MYH11: variants seen among roughly 807,000 people sequenced by gnomAD.
MYH11 encodes myosin heavy chain 11.
In MYH11, 80 loss-of-function variants were observed where a neutral mutation model predicts 246.6. The observed-to-expected ratio is 0.32, with a 90% CI of 0.27 to 0.39. The LOEUF is 0.39. MYH11 is among the 10% of genes least tolerant of loss of function. The pLI is 1.00. For synonymous variants in MYH11, 1,071 were observed against 1,015.5 expected (o/e 1.05, Z -1.04); for missense variants, 2,158 against 2,546.8 (o/e 0.85, Z 3.29).
At chr16:15,763,759 C>CCCCCCAAA (rs1410055978) in intron 10 of MYH11, 37 bp downstream of exon 10, 4 of 1,151,240 alleles carry the variant, frequency 3.5e-6, no homozygotes, top group Non-Finnish European at 5.3e-6. Flanking sequence ...CCCCCCAACC[C>CCCCCCAAA]CAAAGTCATT....
chr16:15,817,636 G>T (rs2043294808), intron 3 of MYH11, among the ~76,000 whole-genome samples: 1 of 152,220 alleles, frequency 6.6e-6, no homozygotes, highest in Middle Eastern at 3.4e-3. Flanking sequence ...CTTCCACTTG[G>T]GAGGGTGCCA....
At chr16:15,721,289 C>A in intron 32 of MYH11, 133 bp downstream of exon 32, 1 of 1,156,090 alleles carries the variant, frequency 8.6e-7, no homozygotes, top group South Asian at 1.3e-5. Flanking sequence ...TGCACCAGTC[C>A]AAAAACCTCC....
intron 2 of MYH11, among the ~76,000 whole-genome samples, chr16:15,829,327 C>T (rs1020874014): frequency 1.4e-4 from 21 of 152,224 alleles, no homozygotes; most frequent in African/African-American, 5.1e-4. Context: ...GTGCACACAA[C>T]AAGCACTTAA....
chr16:15,748,788 A>T (rs919770989), intron 16 of MYH11, among the ~76,000 whole-genome samples: 3 of 152,002 alleles, frequency 2.0e-5, no homozygotes, highest in African/African-American at 4.8e-5. Context: ...GAAAATTTTT[A>T]AAAATGTTTT....
chr16:15,808,734 T>A (rs540003750), intron 3 of MYH11, among the ~76,000 whole-genome samples: 21 of 151,620 alleles, frequency 1.4e-4, no homozygotes, highest in East Asian at 3.9e-4. Flanking sequence ...GAAAAAAAAA[T>A]TTTTTTTAAT....
chr16:15,753,223 C>G (rs1049878080), intron 15 of MYH11, among the ~76,000 whole-genome samples, 171 bp downstream of exon 15: 2 of 152,122 alleles, frequency 1.3e-5, no homozygotes, highest in African/African-American at 4.8e-5. Context: ...GGGACCCCCA[C>G]TCAGGAAGAA....
At chr16:15,710,843 G>A (rs1321932318) in intron 40 of MYH11, among the ~76,000 whole-genome samples, 2 of 152,050 alleles carry the variant, frequency 1.3e-5, no homozygotes. Flanking sequence ...ACGCCTAGCT[G>A]ATTTTTGTGT....
At position 15,821,311 on chromosome 16, in the gene MYH11, A is replaced by C. The variant is rs188396318; in HGVS notation, c.502+1944T>G. On this transcript the variant is annotated intron_variant, in intron 3 of 40. Coordinates refer to ENST00000300036, the MANE Select transcript of MYH11 (RefSeq NM_002474.3). Reference sequence around the variant, plus strand: ...AACGAATTATCTTCAGATAGTAAAAATTTCCTTCATTTCATGCCATTTAGT... The same window carrying C: ...AACGAATTATCTTCAGATAGTAAAACTTTCCTTCATTTCATGCCATTTAGT... Among the ~76,000 whole-genome samples the C allele has an allele frequency of 2.0e-3, 309 of 152,278 alleles. 1 individual carries two copies. The highest frequency in any genetic ancestry group is 0.014 in the Middle Eastern group (4 of 294).
At chr16:15,753,585 C>A in intron 14 of MYH11, 77 bp from the exon 15 acceptor site, 1 of 1,093,890 alleles carries the variant, frequency 9.1e-7, no homozygotes, top group Non-Finnish European at 1.4e-6. Context: ...CCCAGCCCTC[C>A]CATTGTCCTT....
chr16:15,763,741 T>TGGGCCCC, intron 10 of MYH11, 55 bp downstream of exon 10: 10 of 646,844 alleles, frequency 1.5e-5, no homozygotes, highest in East Asian at 6.3e-5. Context: ...AAATGTCACC[T>TGGGCCCC]CCCCCACCCC....
chr16:15,829,092 G>C (rs1343153106), intron 2 of MYH11, among the ~76,000 whole-genome samples: 1 of 151,694 alleles, frequency 6.6e-6, no homozygotes, highest in Non-Finnish European at 1.5e-5. Flanking sequence ...TCTGAGGCAG[G>C]AGAGTCACCT....
chr16:15,718,773 A>C, intron 36 of MYH11: 1 of 441,120 alleles, frequency 2.3e-6, no homozygotes, highest in Non-Finnish European at 4.2e-6. Flanking sequence ...CTGACGGAAA[A>C]CCTAACCACC....
At chr16:15,737,406 G>C (rs1429512186) in intron 25 of MYH11, 43 bp downstream of exon 25, 2 of 1,604,618 alleles carry the variant, frequency 1.2e-6, no homozygotes, top group South Asian at 1.1e-5. Flanking sequence ...GGGCCCAGGG[G>C]ATACATGGAC....
chr16:15,808,774 C>T (rs2043072353), intron 3 of MYH11, among the ~76,000 whole-genome samples: 1 of 151,984 alleles, frequency 6.6e-6, no homozygotes, highest in Admixed American at 6.6e-5. Context: ...GTGCCTGTAG[C>T]CCCAGCTATT....
intron 2 of MYH11, among the ~76,000 whole-genome samples, chr16:15,832,987 T>TA (rs2151376395): frequency 8.1e-6 from 1 of 124,072 alleles, no homozygotes; most frequent in Admixed American, 9.9e-5. Context: ...TTTTGAGATG[T>TA]AGTCTCACTC....
In MYH11 at chr16:15,714,805, C is replaced by T. The variant is rs142289567; in HGVS notation, c.5786+104G>A. On this transcript the variant is annotated intron_variant, in intron 40 of 40. Coordinates refer to ENST00000300036, the MANE Select transcript of MYH11 (RefSeq NM_002474.3). ...AGGAATAAACCACAGAAGGGAGTGG[C>T]GGCTGTGGGCACAAGGGGCATTTGC... is the stretch of plus-strand genomic sequence containing the variant. 1,234 of 1,380,712 alleles carry T rather than the reference C, an allele frequency of 8.9e-4. 6 individuals are homozygous for T. The highest frequency in any genetic ancestry group is 9.4e-4 in the South Asian group (81 of 85,854). 85.5% of individuals were successfully genotyped at this position (1,380,712 alleles called of 1,614,324 possible).
At position 15,747,879 on chromosome 16, in the gene MYH11, G is replaced by A; in HGVS notation, c.2245C>T (p.Leu749Phe). 1 of 1,613,908 alleles carries A rather than the reference G, an allele frequency of 6.2e-7. No homozygotes were observed. The highest frequency in any genetic ancestry group is 8.5e-7 in the Non-Finnish European group (1 of 1,180,000). The change falls in exon 18 of 41, where the codon CTC becomes TTC. Residue 749 changes from leucine (L) to phenylalanine (F), a missense_variant. By Grantham distance (22) the Leu-to-Phe change is conservative. Coordinates refer to ENST00000300036, the MANE Select transcript of MYH11 (RefSeq NM_002474.3). ...TGGTGGACTTCTGGGCTCACCATGA[G>A]AATGCAGGCCTGCTTCCCGTCCATG... Reference protein sequence around the residue: ...GFMDGKQACILMIKALELDPN... With the variant: ...GFMDGKQACIFMIKALELDPN...
intron 8 of MYH11, among the ~76,000 whole-genome samples, chr16:15,773,984 G>T (rs1342316978): frequency 1.3e-5 from 2 of 151,900 alleles, no homozygotes; most frequent in African/African-American, 4.8e-5. Flanking sequence ...ATACATCAAG[G>T]ATCCTCTTCC....
At chr16:15,764,860 A>C (rs79454202) in intron 9 of MYH11, among the ~76,000 whole-genome samples, 3,022 of 152,340 alleles carry the variant, frequency 0.02, 106 homozygotes, top group African/African-American at 0.068. Flanking sequence ...TCTGGGTGTA[A>C]CAGATGCCCA....
Sources: gnomAD v4.1 joint callset for allele counts (sites outside exome capture counted in the v4.1 genomes callset) on GRCh38, gnomAD v4.1.1 for gene constraint, MANE v1.5 for transcripts, NCBI Gene and HGNC (gene_info 2026-07-23, HGNC 2026-07-21) for gene names.